PLCXD2: variants seen among roughly 807,000 people sequenced by gnomAD.
PLCXD2 encodes the protein phosphatidylinositol specific phospholipase C X domain containing 2.
In PLCXD2, 21 loss-of-function variants were observed where a neutral mutation model predicts 28.6. That is an observed-to-expected ratio of 0.73 (90% CI 0.52 to 1.06). PLCXD2 has a LOEUF of 1.06. PLCXD2 is among the 50% of genes least tolerant of loss of function. The probability of loss-of-function intolerance (pLI) is 0.00; values close to 1 mark genes in which losing one functional copy is unlikely to be tolerated. For synonymous variants in PLCXD2, 140 were observed against 150.1 expected, an observed-to-expected ratio of 0.93 and a Z score of 0.49; for missense variants, 369 against 376.7, an observed-to-expected ratio of 0.98 and a Z score of 0.17.
At chr3:111,679,772 TG>T (rs1432222922) in intron 1 of PLCXD2, among the ~76,000 whole-genome samples, 3 of 152,168 alleles carry the variant, frequency 2.0e-5, no homozygotes, top group Non-Finnish European at 4.4e-5. Flanking sequence ...AGGCTGAAAA[TG>T]GTCGCAAGAG....
At chr3:111,713,737 C>T in intron 2 of PLCXD2, 150 bp from the exon 3 acceptor site, 1 of 862,260 alleles carries the variant, frequency 1.2e-6, no homozygotes, top group Non-Finnish European at 1.6e-6. Flanking sequence ...TTGCTGATTT[C>T]CTAAAAATAT....
At chr3:111,679,357 T>C (rs4428148) in intron 1 of PLCXD2, among the ~76,000 whole-genome samples, 140,611 of 152,180 alleles carry the variant, frequency 0.92, 65,252 homozygotes, top group Middle Eastern at 0.98. Flanking sequence ...TCTCTGGTCC[T>C]TCCATATCCC....
At chr3:111,700,814 G>T (rs1393280970) in intron 1 of PLCXD2, among the ~76,000 whole-genome samples, 2 of 152,122 alleles carry the variant, frequency 1.3e-5, no homozygotes, top group Admixed American at 6.6e-5. Context: ...TAAAGCCAAT[G>T]CTGTGGGCTC....
chr3:111,698,892 C>T (rs1941000216), intron 1 of PLCXD2, among the ~76,000 whole-genome samples: 1 of 152,186 alleles, frequency 6.6e-6, no homozygotes, highest in Non-Finnish European at 1.5e-5. Flanking sequence ...AATTATAACA[C>T]TCAGATGTAT....
At position 111,713,966 on chromosome 3, in the gene PLCXD2, C is replaced by CA. The variant is rs1358171594; in HGVS notation, c.707dup (p.Asn236LysfsTer18). 1 of 1,614,180 alleles carries CA rather than the reference C, an allele frequency of 6.2e-7. No homozygotes were observed. The highest frequency in any genetic ancestry group is 2.2e-5 in the East Asian group (1 of 44,870). On this transcript the variant is annotated frameshift_variant, in exon 3 of 5. Coordinates refer to ENST00000477665, the MANE Select transcript of PLCXD2 (RefSeq NM_001185106.1). LOFTEE classifies it high-confidence loss of function. ...GGAAAGAAGATTCCAGCGCCCTGGG[C>CA]AAACACCACAAGTGTGCGCAAACTA...
At chr3:111,701,569 A>G (rs1185554285) in intron 1 of PLCXD2, among the ~76,000 whole-genome samples, 1 of 152,184 alleles carries the variant, frequency 6.6e-6, no homozygotes, top group African/African-American at 2.4e-5. Flanking sequence ...GAAGGCGGGA[A>G]GTGGGAGGAA....
chr3:111,696,842 G>A (rs1304046300), intron 1 of PLCXD2, among the ~76,000 whole-genome samples: 1 of 152,132 alleles, frequency 6.6e-6, no homozygotes, highest in African/African-American at 2.4e-5. Flanking sequence ...TCTCAAAAAT[G>A]AGCTCAAAAT....
At chr3:111,690,548 G>A (rs1408341645) in intron 1 of PLCXD2, among the ~76,000 whole-genome samples, 2 of 152,232 alleles carry the variant, frequency 1.3e-5, no homozygotes, top group African/African-American at 4.8e-5. Context: ...GCTTTAGCAG[G>A]TGTGTAAGCT....
chr3:111,688,926 C>T (rs949635094), intron 1 of PLCXD2, among the ~76,000 whole-genome samples: 2 of 151,506 alleles, frequency 1.3e-5, no homozygotes, highest in Non-Finnish European at 2.9e-5. Flanking sequence ...TATTAAACAT[C>T]CTTTTGATTA....
At chr3:111,720,864 A>G in intron 3 of PLCXD2, 1 of 416,848 alleles carries the variant, frequency 2.4e-6, no homozygotes, top group Non-Finnish European at 4.4e-6. Flanking sequence ...AGGAGGACAC[A>G]GCTCTGGCTA....
At chr3:111,713,096 A>T (rs562788716) in intron 2 of PLCXD2, among the ~76,000 whole-genome samples, 1 of 152,314 alleles carries the variant, frequency 6.6e-6, no homozygotes, top group African/African-American at 2.4e-5. Context: ...ATTTACCCAC[A>T]AATTAGTTCA....
intron 2 of PLCXD2, among the ~76,000 whole-genome samples, chr3:111,713,439 C>T (rs1941228489): frequency 6.6e-6 from 1 of 152,228 alleles, no homozygotes; most frequent in African/African-American, 2.4e-5. Context: ...ACCACTTATG[C>T]TTATCCCTAA....
At chr3:111,721,964 A>C (rs1393031721) in intron 3 of PLCXD2, 1 of 152,180 alleles carries the variant, frequency 6.6e-6, no homozygotes, top group Non-Finnish European at 1.5e-5. Context: ...AACTCCTTGA[A>C]AACAAGACTA....
intron 3 of PLCXD2, chr3:111,724,583 C>T (rs1325635400): frequency 6.6e-6 from 1 of 152,166 alleles, no homozygotes; most frequent in Non-Finnish European, 1.5e-5. Context: ...ACATTACTAC[C>T]TCCCAGCTAG....
chr3:111,718,715 G>C (rs1291598673), intron 3 of PLCXD2, among the ~76,000 whole-genome samples: 1 of 152,168 alleles, frequency 6.6e-6, no homozygotes, highest in South Asian at 2.1e-4. Flanking sequence ...TGTGCTGAAA[G>C]AAGGGCAGGC....
chr3:111,676,999 G>A lies in PLCXD2; in HGVS notation c.163+1591G>A, dbSNP rs151109950. 7.8e-3 allele frequency: 1,191 copies of A among 152,386 alleles called. 33 individuals carry two copies. Among genetic ancestry groups the A allele is most frequent in the Admixed American group, 0.04 (616 of 15,294 alleles). 9.4% of individuals were successfully genotyped at this position (152,386 alleles called of 1,614,324 possible). On this transcript the variant is annotated intron_variant, in intron 1 of 4. Coordinates refer to ENST00000477665, the MANE Select transcript of PLCXD2 (RefSeq NM_001185106.1). Reference sequence around the variant, plus strand: ...TGGGCATTTGTTCTGTGATTCATAGGATATCTCACAGTTACTAGAATTGCT... The same window carrying A: ...TGGGCATTTGTTCTGTGATTCATAGAATATCTCACAGTTACTAGAATTGCT...
intron 3 of PLCXD2, chr3:111,726,116 A>G (rs1019519763): frequency 2.4e-5 from 9 of 372,370 alleles, no homozygotes; most frequent in African/African-American, 6.2e-5. Flanking sequence ...CTTGCTCACA[A>G]ACATTAAGCC....
chr3:111,718,033 A>G (rs1403718603), intron 3 of PLCXD2, among the ~76,000 whole-genome samples: 1 of 152,158 alleles, frequency 6.6e-6, no homozygotes, highest in African/African-American at 2.4e-5. Flanking sequence ...AAACTCTTCT[A>G]AACACTTTAC....
chr3:111,711,208 A>G (rs1216159812), intron 2 of PLCXD2, among the ~76,000 whole-genome samples: 2 of 152,142 alleles, frequency 1.3e-5, no homozygotes, highest in Non-Finnish European at 2.9e-5. Context: ...GTTCAAAAGC[A>G]GCCTGGCCAA....
Sources: allele counts gnomAD v4.1 joint callset (sites outside exome capture counted in the v4.1 genomes callset), GRCh38; gene constraint gnomAD v4.1.1; transcripts MANE v1.5; gene names NCBI Gene and HGNC (gene_info 2026-07-23, HGNC 2026-07-21).